Variants in UBE3A observed in about 807,000 individuals in gnomAD.
The protein encoded by UBE3A is ubiquitin protein ligase E3A, also known as ubiquitin-protein ligase E3A.
A neutral mutation model predicts 83.4 loss-of-function variants in UBE3A; 6 were observed. The observed-to-expected ratio is 0.07, with a 90% CI of 0.04 to 0.14. The LOEUF (loss-of-function observed/expected upper bound fraction) is 0.14. Among genes scored for constraint, UBE3A ranks in the 10% least tolerant of loss-of-function variants. UBE3A has a pLI of 1.00. For synonymous variants in UBE3A, 337 were observed against 355.4 expected (o/e 0.95, Z 0.58); for missense variants, 456 against 1,036.1 (o/e 0.44, Z 7.69).
chr15:25,379,067 T>C (rs910103671), intron 4 of UBE3A, among the ~76,000 whole-genome samples: 2 of 152,216 alleles, frequency 1.3e-5, no homozygotes, highest in Admixed American at 6.5e-5. Context: ...AATGAATTAC[T>C]TGATCTTTCT....
intron 4 of UBE3A, among the ~76,000 whole-genome samples, chr15:25,379,963 T>C (rs1347326914): frequency 6.6e-6 from 1 of 152,202 alleles, no homozygotes; most frequent in African/African-American, 2.4e-5. Flanking sequence ...GCTTTGGCTC[T>C]GTGTCCCCAC....
chr15:25,347,236 CTG>C (rs1335203745), intron 11 of UBE3A: 1 of 152,148 alleles, frequency 6.6e-6, no homozygotes. Flanking sequence ...GATACAAAAA[CTG>C]TAATAGCATT....
At chr15:25,366,167 A>G (rs1021455498) in intron 6 of UBE3A, among the ~76,000 whole-genome samples, 17 of 152,204 alleles carry the variant, frequency 1.1e-4, no homozygotes, top group African/African-American at 3.9e-4. Flanking sequence ...AACCAAGCAT[A>G]TTTCTTGGTT....
chr15:25,409,911 G>A lies in UBE3A; in HGVS notation c.-100-704C>T, dbSNP rs145857683. Among the ~76,000 whole-genome samples the A allele has an allele frequency of 4.2e-4, 64 of 151,156 alleles. 1 individual carries two copies. In the East Asian group the frequency reaches 9.8e-3, roughly 23 times the overall value. The stretch of plus-strand genomic sequence containing the variant: ...GTAAAGTCATTTAACATCAGTCACC[G>A]CATGTTCTCACTCACAGGTGGGAAC... On this transcript the variant is annotated intron_variant, in intron 2 of 12. Coordinates refer to ENST00000648336, the MANE Select transcript of UBE3A (RefSeq NM_130839.5).
At chr15:25,431,998 G>A (rs757685564) in intron 1 of UBE3A, among the ~76,000 whole-genome samples, 2 of 152,148 alleles carry the variant, frequency 1.3e-5, no homozygotes, top group Non-Finnish European at 2.9e-5. Flanking sequence ...AGAAAACACT[G>A]CTGTGCACTT....
At chr15:25,405,349 T>G in intron 4 of UBE3A, 112 bp downstream of exon 4, 2 of 1,287,706 alleles carry the variant, frequency 1.6e-6, no homozygotes, top group East Asian at 2.3e-5. Context: ...CATTTACTGC[T>G]AAATGATTCC....
intron 1 of UBE3A, among the ~76,000 whole-genome samples, chr15:25,424,263 T>C (rs1890679274): frequency 1.3e-5 from 2 of 152,044 alleles, no homozygotes; most frequent in Non-Finnish European, 2.9e-5. Context: ...CACTTTGGGG[T>C]TTCCCTATTC....
At chr15:25,432,970 AAAAATATCTTT>A (rs1893908824) in intron 1 of UBE3A, among the ~76,000 whole-genome samples, 1 of 152,166 alleles carries the variant, frequency 6.6e-6, no homozygotes, top group African/African-American at 2.4e-5. Context: ...TATGTCCCCT[AAAAATATCTTT>A]TCCTTTCAGG....
intron 3 of UBE3A, 196 bp from the exon 4 acceptor site, chr15:25,405,698 C>T: frequency 1.6e-6 from 1 of 607,820 alleles, no homozygotes; most frequent in Non-Finnish European, 2.9e-6. Flanking sequence ...AAGGGTTGGA[C>T]TATTAAAAAA....
At chr15:25,375,013 G>A (rs1025560305) in intron 5 of UBE3A, 33 of 198,606 alleles carry the variant, frequency 1.7e-4, no homozygotes, top group African/African-American at 6.2e-4. Context: ...TGAAGGAAAC[G>A]TAGAATTCTC....
At chr15:25,428,132 GAACTGTACACTTAAAA>G (rs1475272846) in intron 1 of UBE3A, among the ~76,000 whole-genome samples, 2 of 151,938 alleles carry the variant, frequency 1.3e-5, no homozygotes, top group African/African-American at 4.8e-5. Context: ...TATTATTGCT[GAACTGTACACTTAAAA>G]AACTGTACAC....
chr15:25,402,145 T>TGAA (rs1203046425), intron 4 of UBE3A, among the ~76,000 whole-genome samples: 1 of 152,180 alleles, frequency 6.6e-6, no homozygotes, highest in African/African-American at 2.4e-5. Flanking sequence ...CCTGCACATT[T>TGAA]GAAGAAGCTG....
At chr15:25,374,914 G>C (rs2080951099) in intron 5 of UBE3A, 1 of 153,554 alleles carries the variant, frequency 6.5e-6, no homozygotes, top group Non-Finnish European at 1.4e-5. Flanking sequence ...GAAAACAAAA[G>C]ACCTGAGTGA....
intron 11 of UBE3A, among the ~76,000 whole-genome samples, chr15:25,341,092 CAG>C (rs1363073134): frequency 4.0e-5 from 6 of 150,398 alleles, no homozygotes; most frequent in Admixed American, 4.0e-4. Context: ...TTTTTTGAGA[CAG>C]AGTCTTGCTC....
rs973578204 is a variant in UBE3A, at chr15:25,337,346, A to G, written c.*1791T>C. On this transcript the variant is annotated 3_prime_UTR_variant, in exon 13 of 13. Coordinates refer to ENST00000648336, the MANE Select transcript of UBE3A (RefSeq NM_130839.5). The stretch of plus-strand genomic sequence containing the variant: ...GCACAGTGGATGAGAAGCCTTTAAG[A>G]TGACTACAGTTGCACGAAGGTCCCT... 2.0e-5 allele frequency: 3 copies of G among 152,134 alleles called. No homozygotes were observed. The highest frequency in any genetic ancestry group is 7.2e-5 in the African/African-American group (3 of 41,446). 9.4% of individuals were successfully genotyped at this position (152,134 alleles called of 1,614,324 possible). A position where few individuals can be genotyped will look rare whatever the true frequency, so the allele number is the denominator to read the frequency against.
rs187290681 is a variant in UBE3A at position 25,408,951 on chromosome 15, T to G, written c.20+137A>C. On this transcript the variant is annotated intron_variant, in intron 3 of 12. Coordinates refer to ENST00000648336, the MANE Select transcript of UBE3A (RefSeq NM_130839.5). ...AGACACTAAAATATTTTAAGGAGATTAAATGAAGTAGGTCAACTCTCAGGC... is the reference window on the plus strand; with the variant it reads ...AGACACTAAAATATTTTAAGGAGATGAAATGAAGTAGGTCAACTCTCAGGC... The G allele has an allele frequency of 2.8e-5, 25 of 908,786 alleles. 1 individual carries two copies. In the East Asian group the frequency reaches 6.4e-4, roughly 23 times the overall value. The allele number at this position is 908,786 out of a possible 1,614,324, so 56.3% of individuals were successfully genotyped here.
intron 6 of UBE3A, among the ~76,000 whole-genome samples, chr15:25,364,964 A>G (rs369188788): frequency 6.6e-5 from 10 of 152,066 alleles, no homozygotes; most frequent in African/African-American, 2.4e-4. Context: ...GGTATATTTA[A>G]AAGTACAGTG....
chr15:25,352,000 C>T (rs2076580761), intron 11 of UBE3A, among the ~76,000 whole-genome samples: 1 of 152,034 alleles, frequency 6.6e-6, no homozygotes, highest in South Asian at 2.1e-4. Flanking sequence ...TTGAGACCAG[C>T]CTGGCCAACA....
At chr15:25,387,845 T>G (rs1282234247) in intron 4 of UBE3A, among the ~76,000 whole-genome samples, 1 of 152,168 alleles carries the variant, frequency 6.6e-6, no homozygotes, top group Non-Finnish European at 1.5e-5. Flanking sequence ...TGAACAACTT[T>G]ACGGCCACGA....
Sources: gnomAD v4.1 joint callset for allele counts (sites outside exome capture counted in the v4.1 genomes callset) on GRCh38, gnomAD v4.1.1 for gene constraint, MANE v1.5 for transcripts, NCBI Gene and HGNC (gene_info 2026-07-23, HGNC 2026-07-21) for gene names.